AP1B1: variants seen among roughly 807,000 people sequenced by gnomAD.
AP1B1 encodes adaptor related protein complex 1 subunit beta 1.
A neutral mutation model predicts 104.3 loss-of-function variants in AP1B1; 36 were observed. That is an observed-to-expected ratio of 0.35 (90% CI 0.26 to 0.46). The LOEUF (loss-of-function observed/expected upper bound fraction) is 0.46, where lower values mean the gene tolerates loss of function less well. Among genes scored for constraint, AP1B1 ranks in the 20% least tolerant of loss-of-function variants. AP1B1 has a pLI of 1.00. For synonymous variants in AP1B1, 504 were observed against 517.5 expected (o/e 0.97, Z 0.35); for missense variants, 901 against 1,247.9 (o/e 0.72, Z 4.19).
chr22:29,355,427 C>G (rs2061941554), intron 6 of AP1B1, among the ~76,000 whole-genome samples: 1 of 152,128 alleles, frequency 6.6e-6, no homozygotes, highest in Non-Finnish European at 1.5e-5. Context: ...TGACACTGCA[C>G]TCTGGCCTGG....
In AP1B1 at chr22:29,338,975, A is replaced by T; in HGVS notation, c.2163+15T>A. On this transcript the variant is annotated intron_variant, in intron 16 of 22. Coordinates refer to ENST00000357586, the MANE Select transcript of AP1B1 (RefSeq NM_001127.4). Reference sequence around the variant, plus strand: ...TTCTCTCTGCTCCCGCCAAGACAGAAGACAAGTGACTTACTGCTTTGGGGG... The same window carrying T: ...TTCTCTCTGCTCCCGCCAAGACAGATGACAAGTGACTTACTGCTTTGGGGG... 1 of 1,613,948 alleles carries T rather than the reference A, an allele frequency of 6.2e-7. No individual in the cohort carries two copies. Among genetic ancestry groups the T allele is most frequent in the Non-Finnish European group, 8.5e-7 (1 of 1,179,952 alleles).
intron 12 of AP1B1, among the ~76,000 whole-genome samples, 172 bp from the exon 13 acceptor site, chr22:29,341,932 C>T (rs538480175): frequency 3.9e-5 from 6 of 152,326 alleles, no homozygotes; most frequent in South Asian, 2.1e-4. Context: ...GCCCTGGCCC[C>T]GGGCTCATTC....
chr22:29,355,615 G>T (rs143015825), intron 6 of AP1B1, among the ~76,000 whole-genome samples: 1 of 152,012 alleles, frequency 6.6e-6, no homozygotes, highest in African/African-American at 2.4e-5. Context: ...GGGTTGCTAG[G>T]GGCTTAACTG....
intron 10 of AP1B1, 93 bp from the exon 11 acceptor site, chr22:29,349,476 C>T: frequency 7.4e-7 from 1 of 1,350,582 alleles, no homozygotes; most frequent in Non-Finnish European, 1.0e-6. Context: ...AGGGGACCTG[C>T]CTCCTAAGAC....
At chr22:29,359,010 T>G in intron 4 of AP1B1, 39 bp from the exon 5 acceptor site, 2 of 1,564,016 alleles carry the variant, frequency 1.3e-6, no homozygotes, top group East Asian at 2.3e-5. Context: ...AGGGGTGGGA[T>G]GAGCCATCTG....
intron 7 of AP1B1, among the ~76,000 whole-genome samples, chr22:29,354,161 T>C (rs1227908325): frequency 6.6e-6 from 1 of 152,174 alleles, no homozygotes; most frequent in Admixed American, 6.5e-5. Context: ...TCAGAGAGTT[T>C]GACTAGAGCT....
At chr22:29,354,522 C>G in intron 7 of AP1B1, 128 bp downstream of exon 7, 1 of 880,494 alleles carries the variant, frequency 1.1e-6, no homozygotes. Context: ...TTTGGTTAAG[C>G]TATTCTGGGT....
rs75656147 is a variant in AP1B1 at position 29,335,622 on chromosome 22, T to A, written c.2164-1212A>T. 5.0e-3 allele frequency among the ~76,000 whole-genome samples: 761 copies of A among 152,204 alleles called. 7 individuals are homozygous for A. The highest frequency in any genetic ancestry group is 0.017 in the African/African-American group (701 of 41,518). ...CTTTCCACAGCAGCTGATGTTATCT[T>A]GTGAAATGCAAATCTGATCATGGCA... On this transcript the variant is annotated intron_variant, in intron 16 of 22. Transcript: ENST00000357586.
At chr22:29,329,067 C>G (rs1454118524) in intron 22 of AP1B1, 172 bp from the exon 23 acceptor site, 5 of 1,424,204 alleles carry the variant, frequency 3.5e-6, no homozygotes, top group Non-Finnish European at 4.6e-6. Context: ...GCGGCTGTCG[C>G]AGCCAGCCGG....
chr22:29,359,094 C>T, intron 4 of AP1B1, 123 bp from the exon 5 acceptor site: 2 of 981,134 alleles, frequency 2.0e-6, no homozygotes, highest in Non-Finnish European at 2.9e-6. Flanking sequence ...TGCTGTGGAT[C>T]TTCACCAACT....
intron 1 of AP1B1, among the ~76,000 whole-genome samples, chr22:29,373,209 T>G (rs1263943292): frequency 6.6e-6 from 1 of 151,824 alleles, no homozygotes; most frequent in Non-Finnish European, 1.5e-5. Context: ...AGGCAGGAGG[T>G]TGCAGTGAGC....
intron 19 of AP1B1, 142 bp from the exon 20 acceptor site, chr22:29,330,851 G>C: frequency 1.4e-6 from 1 of 699,960 alleles, no homozygotes; most frequent in South Asian, 1.8e-5. Context: ...CAGCCCTCCT[G>C]CTTCCCTAAG....
At chr22:29,354,158 G>A (rs890839632) in intron 7 of AP1B1, among the ~76,000 whole-genome samples, 1 of 152,234 alleles carries the variant, frequency 6.6e-6, no homozygotes, top group African/African-American at 2.4e-5. Context: ...ACCTCAGAGA[G>A]TTTGACTAGA....
At chr22:29,339,995 C>T (rs963494989) in intron 14 of AP1B1, among the ~76,000 whole-genome samples, 3 of 152,056 alleles carry the variant, frequency 2.0e-5, no homozygotes. Flanking sequence ...TGTCCTGCAC[C>T]ACAGCCCTTC....
At chr22:29,368,666 T>C (rs1288092948) in intron 1 of AP1B1, among the ~76,000 whole-genome samples, 1 of 152,060 alleles carries the variant, frequency 6.6e-6, no homozygotes, top group Non-Finnish European at 1.5e-5. Context: ...CAGGCCTACC[T>C]GAGCTTAGTT....
chr22:29,329,268 C>T (rs545595368), intron 22 of AP1B1: 12 of 1,146,144 alleles, frequency 1.0e-5, no homozygotes, highest in South Asian at 7.5e-5. Flanking sequence ...CAGAAAATCC[C>T]GAGGGGGTGC....
chr22:29,333,440 C>G (rs1447847784), intron 17 of AP1B1, among the ~76,000 whole-genome samples: 5 of 152,202 alleles, frequency 3.3e-5, no homozygotes, highest in Non-Finnish European at 4.4e-5. Context: ...CACCAGCCTT[C>G]TGAGAGCTGG....
At chr22:29,339,451 A>T (rs2061682410) in intron 15 of AP1B1, among the ~76,000 whole-genome samples, 1 of 152,122 alleles carries the variant, frequency 6.6e-6, no homozygotes, top group Admixed American at 6.5e-5. Context: ...TGCTACGCAG[A>T]TGGGTGCTCT....
intron 19 of AP1B1, among the ~76,000 whole-genome samples, chr22:29,330,958 C>T (rs536723001): frequency 6.6e-5 from 10 of 152,324 alleles, no homozygotes; most frequent in African/African-American, 2.2e-4. Flanking sequence ...CACCCCCACA[C>T]GCCTTCCTCC....
Sources: gnomAD v4.1 joint callset for allele counts (sites outside exome capture counted in the v4.1 genomes callset) on GRCh38, gnomAD v4.1.1 for gene constraint, MANE v1.5 for transcripts, NCBI Gene and HGNC (gene_info 2026-07-23, HGNC 2026-07-21) for gene names.